AMZ1: variants seen among roughly 807,000 people sequenced by gnomAD.
AMZ1 encodes the protein archaelysin family metallopeptidase 1.
In AMZ1, 39 loss-of-function variants were observed where a neutral mutation model predicts 29.9. That is an observed-to-expected ratio of 1.30 (90% CI 1.01 to 1.70). The LOEUF (loss-of-function observed/expected upper bound fraction) is 1.70, where lower values mean the gene tolerates loss of function less well. Among genes scored for constraint, AMZ1 ranks in the 40% most tolerant of loss-of-function variants. AMZ1 has a pLI of 0.00. For synonymous variants in AMZ1, 458 were observed against 304.0 expected (o/e 1.51, Z -5.27); for missense variants, 1,041 against 680.6 (o/e 1.53, Z -5.89).
intron 4 of AMZ1, chr7:2,730,048 G>C (rs2115273797): frequency 6.6e-6 from 1 of 152,446 alleles, no homozygotes; most frequent in African/African-American, 2.4e-5. Context: ...GAACAGGCAC[G>C]GCTGTCCAAA....
At position 2,709,546 on chromosome 7, in the gene AMZ1, A is replaced by T. The variant is rs558550939; in HGVS notation, c.772-94A>T. On this transcript the variant is annotated intron_variant, in intron 5 of 6. Transcript: ENST00000683327. Reference sequence around the variant, plus strand: ...ACCTCCCGGCCATCTGGCCTCACCCAGGTCCTCATTTTGGTCCTGCTGGGG... The same window carrying T: ...ACCTCCCGGCCATCTGGCCTCACCCTGGTCCTCATTTTGGTCCTGCTGGGG... 110 of 1,511,340 alleles carry T rather than the reference A, an allele frequency of 7.3e-5. No homozygotes were observed. In the Middle Eastern group the frequency reaches 9.8e-4, roughly 13 times the overall value. The allele number at this position is 1,511,340 out of a possible 1,614,324, so 93.6% of individuals were successfully genotyped here. A position where few individuals can be genotyped will look rare whatever the true frequency, so the allele number is the denominator to read the frequency against.
chr7:2,697,790 A>C (rs1055185292), intron 1 of AMZ1, among the ~76,000 whole-genome samples: 2 of 152,212 alleles, frequency 1.3e-5, no homozygotes, highest in Non-Finnish European at 2.9e-5. Flanking sequence ...AAGCAAAAAG[A>C]TACAGGATTA....
intron 1 of AMZ1, among the ~76,000 whole-genome samples, chr7:2,679,864 T>C (rs567083710): frequency 3.2e-4 from 49 of 152,288 alleles, no homozygotes; most frequent in African/African-American, 1.1e-3. Context: ...CGAGGGGCCA[T>C]AGCCCTGAAG....
At chr7:2,687,255 A>G (rs1787117438), upstream of AMZ1, among the ~76,000 whole-genome samples, 1 of 151,756 alleles carries the variant, frequency 6.6e-6, no homozygotes. Context: ...TGAACCCCGG[A>G]GGTGGAGGTT....
upstream of AMZ1, chr7:2,762,464 T>C (rs10236683): frequency 1.0e-3 from 621 of 615,496 alleles, 3 homozygotes; most frequent in African/African-American, 0.01. Context: ...AAGTCCAGCC[T>C]CTGAACCCAC....
At chr7:2,726,741 G>T (rs544509387) in intron 4 of AMZ1, among the ~76,000 whole-genome samples, 19 of 152,372 alleles carry the variant, frequency 1.2e-4, no homozygotes, top group African/African-American at 4.6e-4. Context: ...CAAGAAGAGA[G>T]ATGCCCCGTG....
intron 6 of AMZ1, among the ~76,000 whole-genome samples, chr7:2,712,108 G>C (rs1316930304): frequency 6.6e-6 from 1 of 152,194 alleles, no homozygotes; most frequent in Non-Finnish European, 1.5e-5. Flanking sequence ...CGAAGTTCCT[G>C]AATGGTGAGC....
downstream of AMZ1, among the ~76,000 whole-genome samples, chr7:2,721,109 T>C (rs147450741): frequency 2.6e-3 from 390 of 152,252 alleles, no homozygotes; most frequent in Non-Finnish European, 4.0e-3. Flanking sequence ...ACCGACTCTA[T>C]TGAAGACACA....
In AMZ1 at chr7:2,741,624, C is replaced by A. The variant is rs925200780; in HGVS notation, n.551-23088C>A. 2.6e-5 allele frequency among the ~76,000 whole-genome samples: 4 copies of A among 152,112 alleles called. No individual in the cohort carries two copies. In the South Asian group the frequency reaches 6.2e-4, roughly 24 times the overall value. Reference sequence around the variant, plus strand: ...GCAAGAATAGTACAAAGAGCTCATACAGTCTTTCTCTAGATTCACCTGTTC... The same window carrying A: ...GCAAGAATAGTACAAAGAGCTCATAAAGTCTTTCTCTAGATTCACCTGTTC... On this transcript the variant is annotated intron_variant and non_coding_transcript_variant, in intron 4 of 4. Transcript: ENST00000489665.
At chr7:2,690,650 G>A (rs563720672) in intron 1 of AMZ1, among the ~76,000 whole-genome samples, 1 of 152,188 alleles carries the variant, frequency 6.6e-6, no homozygotes, top group Non-Finnish European at 1.5e-5. Context: ...CACTGCTTGC[G>A]GGTGTGCAAA....
chr7:2,709,425 C>T (rs1264038069), intron 5 of AMZ1, among the ~76,000 whole-genome samples, 181 bp downstream of exon 5: 1 of 129,184 alleles, frequency 7.7e-6, no homozygotes, highest in South Asian at 2.8e-4. Flanking sequence ...GAGCCCCAAG[C>T]CCCTATCCTG....
chr7:2,689,376 G>GGGGT (rs749189537), intron 1 of AMZ1, among the ~76,000 whole-genome samples: 46 of 152,094 alleles, frequency 3.0e-4, no homozygotes, highest in Non-Finnish European at 5.4e-4. Context: ...TCCCTGGGGG[G>GGGGT]GGGATGCGGA....
chr7:2,719,217 G>A lies in AMZ1; in HGVS notation c.*6339G>A, dbSNP rs983496062. ...GAACGGCAGGTGGCCCCTGTCGGAAGGGGGGTGTCTCTTTATTCCTGCCAT... is the reference window on the plus strand; with the variant it reads ...GAACGGCAGGTGGCCCCTGTCGGAAAGGGGGTGTCTCTTTATTCCTGCCAT... On this transcript the variant is annotated 3_prime_UTR_variant, in exon 7 of 7. Transcript: ENST00000683327. Among the ~76,000 whole-genome samples the A allele has an allele frequency of 2.6e-5, 4 of 152,182 alleles. No individual in the cohort carries two copies. Among genetic ancestry groups the A allele is most frequent in the Non-Finnish European group, 4.4e-5 (3 of 68,022 alleles).
chr7:2,763,080 C>CTTGA, upstream of AMZ1: 5 of 1,249,742 alleles, frequency 4.0e-6, no homozygotes, highest in South Asian at 1.5e-4. Context: ...CCCTACCAGC[C>CTTGA]TTGAGTGAGA....
chr7:2,706,270 G>C (rs960963504), intron 3 of AMZ1, among the ~76,000 whole-genome samples: 50 of 152,140 alleles, frequency 3.3e-4, no homozygotes, highest in African/African-American at 1.2e-3. Flanking sequence ...TGAACTCCTG[G>C]GCTCCTCTGC....
downstream of AMZ1, among the ~76,000 whole-genome samples, chr7:2,721,031 G>C (rs1050569866): frequency 7.2e-5 from 11 of 152,198 alleles, no homozygotes; most frequent in Admixed American, 2.6e-4. Context: ...TGACCCTGCG[G>C]GCTGTCATCG....
At position 2,719,326 on chromosome 7, in the gene AMZ1, C is replaced by G. The variant is rs570711514; in HGVS notation, c.*6448C>G. 2.0e-5 allele frequency among the ~76,000 whole-genome samples: 3 copies of G among 152,204 alleles called. No homozygotes were observed. Among genetic ancestry groups the G allele is most frequent in the Non-Finnish European group, 2.9e-5 (2 of 68,044 alleles). Reference sequence around the variant, plus strand: ...TGATGGCATAACCTGATGTCTGTCACGGACCCCCAAGCAGGAGCAATGCCT... The same window carrying G: ...TGATGGCATAACCTGATGTCTGTCAGGGACCCCCAAGCAGGAGCAATGCCT... On this transcript the variant is annotated 3_prime_UTR_variant, in exon 7 of 7. Transcript: ENST00000683327.
intron 4 of AMZ1, among the ~76,000 whole-genome samples, chr7:2,751,229 C>G (rs967653542): frequency 6.6e-6 from 1 of 151,784 alleles, no homozygotes; most frequent in African/African-American, 2.4e-5. Context: ...TCAAAAAAAA[C>G]CCCAAAGTTA....
upstream of AMZ1, among the ~76,000 whole-genome samples, chr7:2,684,430 G>A (rs578155464): frequency 3.3e-5 from 5 of 152,338 alleles, no homozygotes; most frequent in East Asian, 9.6e-4. Context: ...AACTGAGGCA[G>A]GGCAAGGTGA....
Sources: gnomAD v4.1 joint callset for allele counts (sites outside exome capture counted in the v4.1 genomes callset) on GRCh38, gnomAD v4.1.1 for gene constraint, MANE v1.5 for transcripts, NCBI Gene and HGNC (gene_info 2026-07-23, HGNC 2026-07-21) for gene names.